The following GNPNAT1 variants were observed in gnomAD, a reference collection of about 807,000 sequenced individuals.
The protein encoded by GNPNAT1 is glucosamine-phosphate N-acetyltransferase 1.
In GNPNAT1, 11 loss-of-function variants were observed where a neutral mutation model predicts 19.8. The ratio of observed to expected loss-of-function variants is 0.56; its 90% CI spans 0.35 to 0.92. The LOEUF (loss-of-function observed/expected upper bound fraction) is 0.92, where lower values mean the gene tolerates loss of function less well. Among genes scored for constraint, GNPNAT1 ranks in the 40% least tolerant of loss-of-function variants. The pLI is 0.01. For synonymous variants in GNPNAT1, 71 were observed against 72.3 expected (o/e 0.98, Z 0.09); for missense variants, 157 against 211.0 (o/e 0.74, Z 1.59).
At chr14:52,787,506 G>A (rs12435056) in intron 1 of GNPNAT1, among the ~76,000 whole-genome samples, 55,652 of 151,972 alleles carry the variant, frequency 0.37, 10,591 homozygotes, top group South Asian at 0.41. Flanking sequence ...CATTTTAACA[G>A]ATGAGAAAAT....
chr14:52,787,745 G>C (rs2139973583), intron 1 of GNPNAT1: 1 of 152,120 alleles, frequency 6.6e-6, no homozygotes, highest in South Asian at 2.1e-4. Flanking sequence ...AGCAGTGCCT[G>C]GAATACTGCA....
chr14:52,780,944 T>G (rs185494235), intron 4 of GNPNAT1, among the ~76,000 whole-genome samples: 1 of 152,296 alleles, frequency 6.6e-6, no homozygotes, highest in Non-Finnish European at 1.5e-5. Flanking sequence ...TAGAATATTC[T>G]GTAATAGCTG....
chr14:52,789,578 G>A (rs193044425), intron 1 of GNPNAT1, among the ~76,000 whole-genome samples: 177 of 152,236 alleles, frequency 1.2e-3, no homozygotes, highest in Non-Finnish European at 1.5e-3. Context: ...TCCTCAAACC[G>A]TAAAATTCTG....
At chr14:52,780,783 T>C (rs1359112202) in intron 4 of GNPNAT1, 43 bp from the exon 5 acceptor site, 3 of 1,233,536 alleles carry the variant, frequency 2.4e-6, no homozygotes, top group East Asian at 4.7e-5. Flanking sequence ...CATTTACTTT[T>C]GTTTTTAGCT....
chr14:52,781,793 G>T lies in GNPNAT1; in HGVS notation c.336C>A (p.Ser112=), dbSNP rs150102764. Residue 112 remains serine, a synonymous_variant, in exon 4 of 6, where the codon TCC becomes TCA. Transcript: ENST00000216410. ...TATAAGCAGCACATACCTTAGCACA[G>T]GAATGGATGAATTTATGTTCTATAA... ...TLIIEHKFIH[S]CAKRGRVEDV... 3.8e-4 allele frequency: 608 copies of T among 1,600,082 alleles called. No individual in the cohort carries two copies. The highest frequency in any genetic ancestry group is 4.8e-4 in the Non-Finnish European group (568 of 1,175,994).
rs779492416 is a variant in GNPNAT1 at position 52,777,843 on chromosome 14, C to G, written c.*468G>C. 6.6e-6 allele frequency: 1 copy of G among 151,976 alleles called. No individual in the cohort carries two copies. The highest frequency in any genetic ancestry group is 1.5e-5 in the Non-Finnish European group (1 of 68,048). 9.4% of individuals were successfully genotyped at this position (151,976 alleles called of 1,614,324 possible). A position where few individuals can be genotyped will look rare whatever the true frequency, so the allele number is the denominator to read the frequency against. On this transcript the variant is annotated 3_prime_UTR_variant, in exon 6 of 6. Coordinates refer to ENST00000216410, the MANE Select transcript of GNPNAT1 (RefSeq NM_198066.4). The stretch of plus-strand genomic sequence containing the variant: ...TAGTTATAATAACTAATTTATCCAC[C>G]CTGACTTAATATGTGGGAAACAATA...
chr14:52,786,750 C>T (rs77977250), intron 1 of GNPNAT1, among the ~76,000 whole-genome samples: 2 of 151,360 alleles, frequency 1.3e-5, no homozygotes, highest in Non-Finnish European at 2.9e-5. Flanking sequence ...GGCCAGGGGG[C>T]TTCTGTGCAG....
chr14:52,778,734 A>T (rs1422549038), intron 5 of GNPNAT1, among the ~76,000 whole-genome samples: 1 of 152,176 alleles, frequency 6.6e-6, no homozygotes, highest in Non-Finnish European at 1.5e-5. Context: ...AATGAAATTT[A>T]AGGCTAGGTG....
chr14:52,784,261 T>C (rs1169085250), intron 2 of GNPNAT1, among the ~76,000 whole-genome samples: 2 of 152,222 alleles, frequency 1.3e-5, no homozygotes, highest in African/African-American at 4.8e-5. Flanking sequence ...AGAAATCTTT[T>C]TGGCTTAATT....
chr14:52,791,086 C>A lies in GNPNAT1; in HGVS notation c.-15+342G>T, dbSNP rs1883162988. On this transcript the variant is annotated intron_variant, in intron 1 of 5. Transcript: ENST00000216410. This position sits in a 1 kb window ranked among gnomAD's most constrained non-coding sequence, Gnocchi z 4.1. ...ATTCAAAACCGATGGCTGCAGAGAG[C>A]GCGACCAACTGTCTCATTTCCCACG... Among the ~76,000 whole-genome samples the A allele has an allele frequency of 6.6e-6, 1 of 152,124 alleles. No individual in the cohort carries two copies. Among genetic ancestry groups the A allele is most frequent in the Non-Finnish European group, 1.5e-5 (1 of 68,012 alleles).
intron 3 of GNPNAT1, among the ~76,000 whole-genome samples, chr14:52,783,079 C>T (rs190746307): frequency 2.6e-5 from 4 of 152,102 alleles, no homozygotes; most frequent in Admixed American, 2.0e-4. Flanking sequence ...AAATTTAAAG[C>T]GTATAGTCTT....
intron 4 of GNPNAT1, 136 bp from the exon 5 acceptor site, chr14:52,780,876 T>C (rs751558034): frequency 2.0e-5 from 11 of 562,118 alleles, no homozygotes; most frequent in Non-Finnish European, 3.2e-5. Flanking sequence ...GCAAAAAATA[T>C]TATACAGTGA....
chr14:52,779,356 A>G (rs1339637558), intron 5 of GNPNAT1, among the ~76,000 whole-genome samples: 2 of 152,022 alleles, frequency 1.3e-5, no homozygotes, highest in Non-Finnish European at 2.9e-5. Flanking sequence ...GATAAAAACT[A>G]TAAAAGATAT....
At position 52,776,967 on chromosome 14, in the gene GNPNAT1, G is replaced by A. The variant is rs372925046; in HGVS notation, c.*1344C>T. On this transcript the variant is annotated 3_prime_UTR_variant, in exon 6 of 6. Transcript: ENST00000216410. The stretch of plus-strand genomic sequence containing the variant: ...GAAAAGACAGAACTAGCTTTGTTGC[G>A]TTTCACGAAGGACAGATCAGTTCGT... 3 of 152,316 alleles carry A rather than the reference G, an allele frequency of 2.0e-5. No individual in the cohort carries two copies. The highest frequency in any genetic ancestry group is 3.9e-4 in the East Asian group (2 of 5,190). 9.4% of individuals were successfully genotyped at this position (152,316 alleles called of 1,614,324 possible).
At chr14:52,779,724 TA>T (rs35906707) in intron 5 of GNPNAT1, among the ~76,000 whole-genome samples, 184 of 38,210 alleles carry the variant, frequency 4.8e-3, no homozygotes, top group African/African-American at 0.019. Context: ...TCCCATCTCT[TA>T]AAAAAAAAAA....
At position 52,779,738 on chromosome 14, in the gene GNPNAT1, A is replaced by AAC. The variant is rs1444923919; in HGVS notation, c.407+940_407+941insGT. 1.1e-3 allele frequency among the ~76,000 whole-genome samples: 161 copies of AAC among 150,792 alleles called. 1 individual carries two copies. Among genetic ancestry groups the AAC allele is most frequent in the African/African-American group, 3.8e-3 (157 of 41,176 alleles). ...ATCCCATCTCTTAAAAAAAAAAAAAAAAAAAAAAAAAACATAAATTATATA... is the reference window on the plus strand; with the variant it reads ...ATCCCATCTCTTAAAAAAAAAAAAAAACAAAAAAAAAAAACATAAATTATATA... On this transcript the variant is annotated intron_variant, in intron 5 of 5. Coordinates refer to ENST00000216410, the MANE Select transcript of GNPNAT1 (RefSeq NM_198066.4).
intron 5 of GNPNAT1, among the ~76,000 whole-genome samples, chr14:52,779,742 A>AC (rs1882841687): frequency 6.6e-6 from 1 of 150,846 alleles, no homozygotes; most frequent in South Asian, 2.1e-4. Flanking sequence ...AAAAAAAAAA[A>AC]AAAAAAAACA....
chr14:52,786,811 A>G (rs1387304804), intron 1 of GNPNAT1, among the ~76,000 whole-genome samples: 1 of 139,184 alleles, frequency 7.2e-6, no homozygotes, highest in African/African-American at 2.7e-5. Flanking sequence ...AAAGTTGAGT[A>G]TTCCTTATCC....
intron 1 of GNPNAT1, among the ~76,000 whole-genome samples, chr14:52,786,368 G>A (rs969525883): frequency 2.0e-5 from 3 of 151,766 alleles, no homozygotes; most frequent in African/African-American, 4.8e-5. Flanking sequence ...GCCAGGTGTG[G>A]TGGTGGCCAC....
Sources: gnomAD v4.1 joint callset for allele counts (sites outside exome capture counted in the v4.1 genomes callset) on GRCh38, gnomAD v4.1.1 for gene constraint, Gnocchi (gnomAD v3.1) non-coding constraint, MANE v1.5 for transcripts, NCBI Gene and HGNC (gene_info 2026-07-23, HGNC 2026-07-21) for gene names.